Variants in CCSER2 observed in about 807,000 individuals in gnomAD.
CCSER2 encodes the protein coiled-coil serine rich protein 2, also known as serine-rich coiled-coil domain-containing protein 2.
A neutral mutation model predicts 92.3 loss-of-function variants in CCSER2; 46 were observed. The observed-to-expected ratio is 0.50, with a 90% CI of 0.39 to 0.64. The LOEUF is 0.64. Among genes scored for constraint, CCSER2 ranks in the 30% least tolerant of loss-of-function variants. CCSER2 has a pLI of 0.00. For synonymous variants in CCSER2, 433 were observed against 431.4 expected, an observed-to-expected ratio of 1.00 and a Z score of -0.04; for missense variants, 1,244 against 1,238.9, an observed-to-expected ratio of 1.00 and a Z score of -0.06.
intron 1 of CCSER2, among the ~76,000 whole-genome samples, chr10:84,332,802 A>T (rs1485211965): frequency 6.6e-6 from 1 of 152,062 alleles, no homozygotes; most frequent in Admixed American, 6.6e-5. Context: ...ATTTTAAAGA[A>T]AAAAGATAAA....
At chr10:84,401,152 AC>A (rs1842098560) in intron 3 of CCSER2, among the ~76,000 whole-genome samples, 1 of 152,188 alleles carries the variant, frequency 6.6e-6, no homozygotes, top group East Asian at 1.9e-4. Context: ...ACCTTAAGAA[AC>A]TAGTAAAAAA....
At chr10:84,513,174 T>A (rs1417372619) in intron 9 of CCSER2, among the ~76,000 whole-genome samples, 1 of 152,244 alleles carries the variant, frequency 6.6e-6, no homozygotes, top group Non-Finnish European at 1.5e-5. Flanking sequence ...AGGAATTTTT[T>A]CTATAATAAA....
chr10:84,500,050 T>C (rs1378232658), intron 9 of CCSER2: 6 of 1,581,540 alleles, frequency 3.8e-6, no homozygotes, highest in Non-Finnish European at 5.2e-6. Flanking sequence ...AGCACCTCCT[T>C]TTCTATCCTG....
At chr10:84,417,326 A>G (rs948048820) in intron 3 of CCSER2, among the ~76,000 whole-genome samples, 2 of 152,230 alleles carry the variant, frequency 1.3e-5, no homozygotes, top group East Asian at 3.8e-4. Flanking sequence ...TGGGTTTGGC[A>G]CAAGAAAGGA....
chr10:84,413,936 A>G (rs1354168849), intron 3 of CCSER2, among the ~76,000 whole-genome samples: 3 of 152,110 alleles, frequency 2.0e-5, no homozygotes, highest in Admixed American at 6.6e-5. Flanking sequence ...TTGTTGGTTT[A>G]AAGTCTATTT....
intron 4 of CCSER2, among the ~76,000 whole-genome samples, chr10:84,421,654 A>C (rs1843156479): frequency 6.6e-6 from 1 of 152,168 alleles, no homozygotes; most frequent in South Asian, 2.1e-4. Flanking sequence ...ACCATGTCAG[A>C]GAATGTAGGG....
rs1564610607 is a variant in CCSER2 at position 84,373,625 on chromosome 10, G to T, written c.1424G>T (p.Ser475Ile). The change falls in exon 3 of 10, where the codon AGT (serine) becomes ATT (isoleucine). Residue 475 changes from serine to isoleucine, a missense_variant. Coordinates refer to ENST00000372088, the MANE Select transcript of CCSER2 (RefSeq NM_001284240.2). ...AACCTTTTTTCTCTTGAAGACAGGA[G>T]TGAATGTACAAAACATACTTCTGGG... is the stretch of plus-strand genomic sequence containing the variant. ...EWIDISVSDR[S>I]ECTKHTSGNN... 2.5e-6 allele frequency: 4 copies of T among 1,609,012 alleles called. No individual in the cohort carries two copies. The highest frequency in any genetic ancestry group is 3.4e-6 in the Non-Finnish European group (4 of 1,176,028).
chr10:84,445,891 G>A (rs1022554820), intron 6 of CCSER2, among the ~76,000 whole-genome samples: 4 of 152,002 alleles, frequency 2.6e-5, no homozygotes, highest in Non-Finnish European at 5.9e-5. Context: ...TGTTTATTAT[G>A]AACAGTTTTG....
At chr10:84,343,963 T>C (rs1337293400) in intron 1 of CCSER2, among the ~76,000 whole-genome samples, 1 of 152,232 alleles carries the variant, frequency 6.6e-6, no homozygotes, top group African/African-American at 2.4e-5. Flanking sequence ...TGTTTAATTG[T>C]CAGTTAATAC....
chr10:84,368,597 C>T (rs1845904790), intron 1 of CCSER2, among the ~76,000 whole-genome samples: 1 of 152,056 alleles, frequency 6.6e-6, no homozygotes, highest in South Asian at 2.1e-4. Context: ...ATTCTCATGA[C>T]TTTAGTAATT....
At chr10:84,489,526 T>G (rs11201064) in intron 9 of CCSER2, among the ~76,000 whole-genome samples, 85,992 of 152,000 alleles carry the variant, frequency 0.57, 27,031 homozygotes, top group East Asian at 0.74. Flanking sequence ...CTTTGTTGGT[T>G]TAAAGTCTGT....
At chr10:84,380,715 A>T (rs1564615831) in intron 3 of CCSER2, among the ~76,000 whole-genome samples, 1 of 137,428 alleles carries the variant, frequency 7.3e-6, no homozygotes. Flanking sequence ...TTTTTTTGAG[A>T]CAGAGTGTAG....
At chr10:84,468,390 C>T (rs1402914367) in intron 7 of CCSER2, among the ~76,000 whole-genome samples, 1 of 152,054 alleles carries the variant, frequency 6.6e-6, no homozygotes, top group Non-Finnish European at 1.5e-5. Context: ...TGCTAATTGC[C>T]CTGATCTAAT....
intron 9 of CCSER2, among the ~76,000 whole-genome samples, chr10:84,499,175 G>T (rs868750188): frequency 6.6e-6 from 1 of 152,016 alleles, no homozygotes; most frequent in African/African-American, 2.4e-5. Flanking sequence ...TTGCTCTGTT[G>T]CCCAGGCTGG....
rs567612727 is a variant in CCSER2 at position 84,411,416 on chromosome 10, A to T, written c.1615-6355A>T. Among the ~76,000 whole-genome samples the T allele has an allele frequency of 9.9e-5, 15 of 152,150 alleles. No individual in the cohort carries two copies. The East Asian group carries it at 2.9e-3, about 29-fold the overall frequency. On this transcript the variant is annotated intron_variant, in intron 3 of 9. Transcript: ENST00000372088. ...CAGTATGGCCATTTTCATGATATTG[A>T]TTTTACCAACCATCCATGAGTGTGG...
chr10:84,335,472 G>A (rs1843784513), intron 1 of CCSER2, among the ~76,000 whole-genome samples: 1 of 151,900 alleles, frequency 6.6e-6, no homozygotes, highest in South Asian at 2.1e-4. Context: ...TGAAACTCCT[G>A]GGCTCAAATG....
At chr10:84,373,400 A>T (rs1453321001) in intron 2 of CCSER2, among the ~76,000 whole-genome samples, 1 of 152,110 alleles carries the variant, frequency 6.6e-6, no homozygotes, top group East Asian at 1.9e-4. Flanking sequence ...TGACTAAATG[A>T]ATTTTCTTTT....
At chr10:84,409,315 T>A (rs1842530514) in intron 3 of CCSER2, among the ~76,000 whole-genome samples, 2 of 151,788 alleles carry the variant, frequency 1.3e-5, no homozygotes, top group South Asian at 4.2e-4. Context: ...AAAAAATTTT[T>A]TTTTTGTAGA....
chr10:84,483,605 C>T (rs1564711036), intron 9 of CCSER2, among the ~76,000 whole-genome samples: 1 of 151,908 alleles, frequency 6.6e-6, no homozygotes, highest in Non-Finnish European at 1.5e-5. Flanking sequence ...AAGAACTCCA[C>T]TCTATTTTTT....
Sources: allele counts gnomAD v4.1 joint callset (sites outside exome capture counted in the v4.1 genomes callset), GRCh38; gene constraint gnomAD v4.1.1; transcripts MANE v1.5; gene names NCBI Gene and HGNC (gene_info 2026-07-23, HGNC 2026-07-21).